STPG2: variants seen among roughly 807,000 people sequenced by gnomAD.
STPG2 encodes the protein sperm-tail PG-rich repeat-containing protein 2.
In STPG2, 56 loss-of-function variants were observed where a neutral mutation model predicts 54.2. That is an observed-to-expected ratio of 1.03 (90% CI 0.83 to 1.29). The LOEUF (loss-of-function observed/expected upper bound fraction) is 1.29, where lower values mean the gene tolerates loss of function less well. STPG2 is among the 50% of genes most tolerant of loss of function. The probability of loss-of-function intolerance (pLI) is 0.00; values close to 1 mark genes in which losing one functional copy is unlikely to be tolerated. For synonymous variants in STPG2, 200 were observed against 181.8 expected, an observed-to-expected ratio of 1.10 and a Z score of -0.81; for missense variants, 596 against 544.9, an observed-to-expected ratio of 1.09 and a Z score of -0.93.
intron 10 of STPG2, among the ~76,000 whole-genome samples, chr4:97,628,856 C>A (rs897334909): frequency 7.2e-5 from 11 of 152,102 alleles, no homozygotes; most frequent in Middle Eastern, 3.4e-3. Flanking sequence ...CAATTTGACT[C>A]TAGATTAACT....
intron 8 of STPG2, among the ~76,000 whole-genome samples, chr4:97,921,739 G>A (rs892346197): frequency 1.6e-4 from 25 of 152,082 alleles, no homozygotes; most frequent in African/African-American, 4.1e-4. Context: ...AGAAAACTTC[G>A]CAGATCTGGA....
intron 4 of STPG2, among the ~76,000 whole-genome samples, chr4:97,475,766 G>C (rs1440600531): frequency 1.3e-5 from 2 of 151,996 alleles, no homozygotes; most frequent in Non-Finnish European, 2.9e-5. Context: ...GTTGAACAGA[G>C]GCTTTTTCTT....
At chr4:97,800,959 G>A (rs569167838) in intron 9 of STPG2, among the ~76,000 whole-genome samples, 12 of 152,278 alleles carry the variant, frequency 7.9e-5, no homozygotes, top group East Asian at 5.8e-4. Context: ...GCAAGGCTCC[G>A]TGGGCATGGG....
intron 5 of STPG2, among the ~76,000 whole-genome samples, chr4:98,035,050 T>C (rs1347238592): frequency 1.3e-5 from 2 of 152,174 alleles, no homozygotes; most frequent in Non-Finnish European, 2.9e-5. Context: ...AAAGACTTCT[T>C]GATTAAAACA....
intron 10 of STPG2, among the ~76,000 whole-genome samples, chr4:97,582,129 C>G (rs1394351452): frequency 6.6e-6 from 1 of 152,026 alleles, no homozygotes; most frequent in Non-Finnish European, 1.5e-5. Flanking sequence ...CCAACCCCAT[C>G]TCCTACTTCT....
intron 5 of STPG2, among the ~76,000 whole-genome samples, chr4:98,085,501 T>C (rs532348063): frequency 6.6e-6 from 1 of 152,228 alleles, no homozygotes; most frequent in Non-Finnish European, 1.5e-5. Flanking sequence ...TTAATAGTAT[T>C]GCATCTTTCA....
chr4:97,700,999 T>C (rs950654233), intron 10 of STPG2, among the ~76,000 whole-genome samples: 2 of 152,184 alleles, frequency 1.3e-5, no homozygotes, highest in Admixed American at 6.5e-5. Flanking sequence ...ACAGGCCAAA[T>C]GGGAGAGGTG....
chr4:97,905,713 C>T (rs1215546656), intron 8 of STPG2, among the ~76,000 whole-genome samples: 4 of 152,036 alleles, frequency 2.6e-5, no homozygotes, highest in Non-Finnish European at 1.5e-5. Context: ...GGAAACCCAT[C>T]TCACGTGCAG....
chr4:97,659,659 C>T lies in STPG2; in HGVS notation c.1320+53040G>A, dbSNP rs564325307. ...AAGTGCTTTGGCACACTACATAATC[C>T]TTGTAGGTTTCAGTACCAGTTCAGT... On this transcript the variant is annotated intron_variant, in intron 10 of 10. Transcript: ENST00000295268. 1.5e-3 allele frequency among the ~76,000 whole-genome samples: 231 copies of T among 152,268 alleles called. 1 individual carries two copies. The highest frequency in any genetic ancestry group is 5.3e-3 in the African/African-American group (222 of 41,560).
At position 97,813,391 on chromosome 4, in the gene STPG2, A is replaced by T. The variant is rs1420974795; in HGVS notation, c.1204+27382T>A. On this transcript the variant is annotated intron_variant, in intron 9 of 10. Coordinates refer to ENST00000295268, the MANE Select transcript of STPG2 (RefSeq NM_174952.3). ...GTACTCCCAAATCTGATACTTTTTT[A>T]AAAAAAGAAAGTAACATTTATTGAG... is the stretch of plus-strand genomic sequence containing the variant. Among the ~76,000 whole-genome samples the T allele has an allele frequency of 7.2e-5, 11 of 152,168 alleles. No homozygotes were observed. The East Asian group carries it at 7.7e-4, about 11-fold the overall frequency.
chr4:97,691,178 G>A (rs1208201989), intron 10 of STPG2, among the ~76,000 whole-genome samples: 1 of 152,150 alleles, frequency 6.6e-6, no homozygotes, highest in Admixed American at 6.5e-5. Context: ...CTTTGAAGGA[G>A]GTGGATTGCC....
At chr4:97,845,171 A>G (rs1179666381) in intron 8 of STPG2, among the ~76,000 whole-genome samples, 1 of 151,798 alleles carries the variant, frequency 6.6e-6, no homozygotes, top group East Asian at 1.9e-4. Flanking sequence ...TTTTTTGAAA[A>G]GTGGACATTT....
At chr4:97,760,464 G>A (rs1725856730) in intron 9 of STPG2, among the ~76,000 whole-genome samples, 1 of 152,128 alleles carries the variant, frequency 6.6e-6, no homozygotes, top group Non-Finnish European at 1.5e-5. Flanking sequence ...TACACAAGTT[G>A]AAATATGATA....
chr4:98,101,193 G>A (rs1739027004), intron 5 of STPG2, among the ~76,000 whole-genome samples: 1 of 152,042 alleles, frequency 6.6e-6, no homozygotes, highest in Non-Finnish European at 1.5e-5. Context: ...TCTCATTTCT[G>A]TTCAGCTGCA....
chr4:98,124,906 C>T (rs1396533628), intron 3 of STPG2, among the ~76,000 whole-genome samples: 1 of 152,024 alleles, frequency 6.6e-6, no homozygotes, highest in Non-Finnish European at 1.5e-5. Flanking sequence ...TCATGTCTGC[C>T]TGTCTTATTG....
intron 9 of STPG2, among the ~76,000 whole-genome samples, chr4:97,800,643 G>C (rs1243300569): frequency 6.6e-6 from 1 of 152,210 alleles, no homozygotes; most frequent in Admixed American, 6.5e-5. Flanking sequence ...ACCCACTTGA[G>C]GAGGCAGTCT....
At chr4:98,071,617 G>A (rs927183795) in intron 5 of STPG2, among the ~76,000 whole-genome samples, 4 of 152,138 alleles carry the variant, frequency 2.6e-5, no homozygotes, top group African/African-American at 9.7e-5. Flanking sequence ...TATCATCAGA[G>A]TGAATAGACA....
chr4:97,954,342 T>G (rs185231549), intron 7 of STPG2, among the ~76,000 whole-genome samples: 60 of 152,312 alleles, frequency 3.9e-4, no homozygotes, highest in Admixed American at 2.4e-3. Context: ...CAGGGCATTT[T>G]CTGATAAAGG....
rs1235422979 is a variant in STPG2 at position 97,837,409 on chromosome 4, GCC to G, written c.1204+3362_1204+3363del. 2.0e-5 allele frequency among the ~76,000 whole-genome samples: 3 copies of G among 151,510 alleles called. No homozygotes were observed. In the East Asian group the frequency reaches 5.8e-4, roughly 29 times the overall value. ...TTTTAAATTTGTTGAGCATACCCCTGCCCCCAACCCATGACTAAAAACAGGTC... is the reference window on the plus strand; with the variant it reads ...TTTTAAATTTGTTGAGCATACCCCTGCCCAACCCATGACTAAAAACAGGTC... On this transcript the variant is annotated intron_variant, in intron 9 of 10. Transcript: ENST00000295268.
Sources: allele counts gnomAD v4.1 joint callset (sites outside exome capture counted in the v4.1 genomes callset), GRCh38; gene constraint gnomAD v4.1.1; transcripts MANE v1.5; gene names NCBI Gene and HGNC (gene_info 2026-07-23, HGNC 2026-07-21).